Variants in RBM19 observed in about 807,000 individuals in gnomAD.
RBM19 encodes RNA binding motif protein 19, also known as probable RNA-binding protein 19.
In RBM19, 94 loss-of-function variants were observed where a neutral mutation model predicts 116.8. The ratio of observed to expected loss-of-function variants is 0.80; its 90% CI spans 0.68 to 0.95. The LOEUF (loss-of-function observed/expected upper bound fraction) is 0.95, where lower values mean the gene tolerates loss of function less well. Ranked by LOEUF, RBM19 falls within the 40% of genes least tolerant of loss-of-function variation. RBM19 has a pLI of 0.00. For synonymous variants in RBM19, 475 were observed against 494.1 expected (o/e 0.96, Z 0.51); for missense variants, 1,161 against 1,220.7 (o/e 0.95, Z 0.73).
At chr12:113,956,001 G>C (rs1166805622) in intron 6 of RBM19, among the ~76,000 whole-genome samples, 1 of 152,198 alleles carries the variant, frequency 6.6e-6, no homozygotes, top group Admixed American at 6.5e-5. Context: ...ACCGGAGGCA[G>C]GGAGCAGTGC....
At chr12:113,820,082 T>TG (rs1874313907), downstream of RBM19, among the ~76,000 whole-genome samples, 3 of 152,132 alleles carry the variant, frequency 2.0e-5, no homozygotes, top group Middle Eastern at 3.4e-3. Flanking sequence ...AAAGAGGAGC[T>TG]GGGTGTGGTT....
intron 21 of RBM19, among the ~76,000 whole-genome samples, chr12:113,884,124 A>C (rs1199634410): frequency 1.3e-5 from 2 of 150,652 alleles, no homozygotes; most frequent in Admixed American, 6.6e-5. Context: ...AAAAAAAAAA[A>C]AAACAAAAAA....
intron 23 of RBM19, among the ~76,000 whole-genome samples, chr12:113,828,099 C>CAAAAAAAAAAAA: frequency 1.5e-5 from 1 of 67,334 alleles, no homozygotes; most frequent in Non-Finnish European, 2.9e-5. Context: ...GACTCTGTCT[C>CAAAAAAAAAAAA]AAAAAAAAAA....
intron 21 of RBM19, 138 bp downstream of exon 21, chr12:113,914,831 A>T: frequency 1.3e-6 from 1 of 757,862 alleles, no homozygotes; most frequent in Non-Finnish European, 2.3e-6. Context: ...AATCAAAAGC[A>T]GCCAAAAGAT....
At chr12:113,908,048 C>T (rs1437598779) in intron 21 of RBM19, among the ~76,000 whole-genome samples, 1 of 152,174 alleles carries the variant, frequency 6.6e-6, no homozygotes, top group East Asian at 1.9e-4. Flanking sequence ...TCATCCTCCT[C>T]ACCCATCCCT....
At chr12:113,863,211 CTG>C (rs3065431) in intron 21 of RBM19, among the ~76,000 whole-genome samples, 70,145 of 148,168 alleles carry the variant, frequency 0.47, 16,481 homozygotes, top group African/African-American at 0.51. Flanking sequence ...ATACGTGTGT[CTG>C]TGTGTGTGTG....
At chr12:113,920,723 G>C (rs759385346) in intron 18 of RBM19, 33 bp from the exon 19 acceptor site, 38 of 1,593,302 alleles carry the variant, frequency 2.4e-5, no homozygotes, top group Non-Finnish European at 3.2e-5. Flanking sequence ...ACACCAGTCG[G>C]TGAAGCGGAA....
intron 23 of RBM19, among the ~76,000 whole-genome samples, chr12:113,831,542 T>C (rs1021738810): frequency 6.6e-6 from 1 of 152,142 alleles, no homozygotes; most frequent in East Asian, 1.9e-4. Flanking sequence ...GAAATTCTCC[T>C]TCTGTCAGTT....
intron 12 of RBM19, 126 bp downstream of exon 12, chr12:113,946,228 C>G: frequency 7.6e-7 from 1 of 1,317,012 alleles, no homozygotes; most frequent in African/African-American, 1.5e-5. Context: ...GATGAGAAAA[C>G]TGAAGCTCGG....
At chr12:113,946,248 A>T in intron 12 of RBM19, 106 bp downstream of exon 12, 3 of 1,490,724 alleles carry the variant, frequency 2.0e-6, no homozygotes, top group Non-Finnish European at 2.8e-6. Flanking sequence ...GTAAGGTATG[A>T]ACTAAACCCA....
In RBM19 at chr12:113,924,739, TC is replaced by T; in HGVS notation, c.2262del (p.Thr755GlnfsTer2). On this transcript the variant is annotated frameshift_variant, in exon 18 of 24. Coordinates refer to ENST00000261741, the MANE Select transcript of RBM19 (RefSeq NM_016196.4). LOFTEE classifies it high-confidence loss of function. ...EKLKEVFSKV[G>X]TVKSCSISKK... ...TTGGAGATGGAGCAGCTCTTCACTGTCCCCACTTTTGAAAACACCTGGATAA... is the reference window on the plus strand; with the variant it reads ...TTGGAGATGGAGCAGCTCTTCACTGTCCCACTTTTGAAAACACCTGGATAA... 6.4e-7 allele frequency: 1 copy of T among 1,551,800 alleles called. No individual in the cohort carries two copies. The highest frequency in any genetic ancestry group is 8.9e-7 in the Non-Finnish European group (1 of 1,123,438).
chr12:113,858,690 G>C (rs1216911195), intron 22 of RBM19, 101 bp downstream of exon 22: 1 of 1,073,356 alleles, frequency 9.3e-7, no homozygotes, highest in Non-Finnish European at 1.4e-6. Flanking sequence ...CACCTGCATG[G>C]GGAGGTGACT....
intron 16 of RBM19, among the ~76,000 whole-genome samples, chr12:113,931,696 T>C (rs1434653838): frequency 6.6e-6 from 1 of 152,168 alleles, no homozygotes; most frequent in East Asian, 1.9e-4. Context: ...GCCCCCTTCC[T>C]ACCACAGGGC....
At chr12:113,908,110 A>G (rs1400541276) in intron 21 of RBM19, among the ~76,000 whole-genome samples, 1 of 152,058 alleles carries the variant, frequency 6.6e-6, no homozygotes, top group Admixed American at 6.6e-5. Flanking sequence ...CACTCAACCC[A>G]TCCTGCCTGG....
chr12:113,947,278 C>A, intron 11 of RBM19, 56 bp downstream of exon 11: 2 of 1,530,374 alleles, frequency 1.3e-6, no homozygotes, highest in Non-Finnish European at 1.8e-6. Context: ...ACACACCAGC[C>A]TTTCCCGACC....
At chr12:113,937,361 C>T (rs1022268805) in intron 15 of RBM19, 1 of 399,100 alleles carries the variant, frequency 2.5e-6, no homozygotes, top group Non-Finnish European at 4.4e-6. Context: ...AGGCTTTAGT[C>T]TCTGTTGCCA....
chr12:113,869,062 T>C (rs535988439), intron 21 of RBM19, among the ~76,000 whole-genome samples: 2 of 152,224 alleles, frequency 1.3e-5, no homozygotes, highest in East Asian at 3.9e-4. Flanking sequence ...CTGTTGTGAG[T>C]AATGTGCTTA....
At chr12:113,934,237 T>C (rs1485128680) in intron 16 of RBM19, among the ~76,000 whole-genome samples, 1 of 152,222 alleles carries the variant, frequency 6.6e-6, no homozygotes, top group Admixed American at 6.5e-5. Flanking sequence ...TTTATATTGC[T>C]CAGTCACCAA....
intron 2 of RBM19, among the ~76,000 whole-genome samples, chr12:113,961,559 T>C (rs1158563103): frequency 1.3e-5 from 2 of 152,244 alleles, no homozygotes; most frequent in Non-Finnish European, 2.9e-5. Flanking sequence ...CGATTGTGTC[T>C]ATATAGGATC....
Sources: gnomAD v4.1 joint callset for allele counts (sites outside exome capture counted in the v4.1 genomes callset) on GRCh38, gnomAD v4.1.1 for gene constraint, MANE v1.5 for transcripts, NCBI Gene and HGNC (gene_info 2026-07-23, HGNC 2026-07-21) for gene names.